Variants in CNTNAP2 observed in about 807,000 individuals in gnomAD.
The protein encoded by CNTNAP2 is contactin associated protein 2.
A neutral mutation model predicts 155.2 loss-of-function variants in CNTNAP2; 98 were observed. The ratio of observed to expected loss-of-function variants is 0.63; its 90% CI spans 0.54 to 0.75. The LOEUF is 0.75. Ranked by LOEUF, CNTNAP2 falls within the 30% of genes least tolerant of loss-of-function variation. The probability of loss-of-function intolerance (pLI) is 0.00; values close to 1 mark genes in which losing one functional copy is unlikely to be tolerated. For synonymous variants in CNTNAP2, 651 were observed against 631.2 expected (o/e 1.03, Z -0.47); for missense variants, 1,727 against 1,688.1 (o/e 1.02, Z -0.40).
chr7:146,515,911 A>G (rs546857402), intron 1 of CNTNAP2, among the ~76,000 whole-genome samples: 44 of 152,184 alleles, frequency 2.9e-4, no homozygotes, highest in African/African-American at 1.0e-3. Flanking sequence ...ATAGATTCCT[A>G]TCTCAATATG....
At chr7:147,420,781 T>C (rs1415955011) in intron 10 of CNTNAP2, among the ~76,000 whole-genome samples, 1 of 152,220 alleles carries the variant, frequency 6.6e-6, no homozygotes, top group Non-Finnish European at 1.5e-5. Flanking sequence ...ATTAATGTTA[T>C]ATTAATAATT....
intron 1 of CNTNAP2, chr7:146,117,404 G>A (rs148679518): frequency 6.2e-6 from 1 of 160,176 alleles, no homozygotes; most frequent in Non-Finnish European, 1.4e-5. Flanking sequence ...GTTAACAAGA[G>A]GAGCATGTTT....
intron 12 of CNTNAP2, among the ~76,000 whole-genome samples, chr7:147,576,141 A>G (rs1400642331): frequency 3.9e-5 from 6 of 151,956 alleles, no homozygotes; most frequent in African/African-American, 1.4e-4. Flanking sequence ...TTTCTGGTTA[A>G]CTGGATTCTA....
At chr7:146,294,569 A>C (rs1244408239) in intron 1 of CNTNAP2, among the ~76,000 whole-genome samples, 2 of 152,220 alleles carry the variant, frequency 1.3e-5, no homozygotes, top group African/African-American at 4.8e-5. Context: ...TTTTCTCACA[A>C]AACATTTCTT....
At position 148,408,220 on chromosome 7, in the gene CNTNAP2, G is replaced by T. The variant is rs558066158; in HGVS notation, c.3716-1171G>T. Reference sequence around the variant, plus strand: ...AGATCACACCACTGCACTCACTCCAGCCTGGACAACAGAGTGAGACCCTTT... The same window carrying T: ...AGATCACACCACTGCACTCACTCCATCCTGGACAACAGAGTGAGACCCTTT... On this transcript the variant is annotated intron_variant, in intron 22 of 23. Coordinates refer to ENST00000361727, the MANE Select transcript of CNTNAP2 (RefSeq NM_014141.6). Among the ~76,000 whole-genome samples the T allele has an allele frequency of 1.1e-4, 16 of 152,284 alleles. No individual in the cohort carries two copies. The South Asian group carries it at 3.3e-3, about 32-fold the overall frequency.
intron 14 of CNTNAP2, among the ~76,000 whole-genome samples, chr7:147,949,640 G>A (rs1800890714): frequency 6.6e-6 from 1 of 152,072 alleles, no homozygotes; most frequent in Non-Finnish European, 1.5e-5. Context: ...GCAAGAAATA[G>A]ACTCAGTGAC....
At chr7:146,168,186 G>A (rs547545720) in intron 1 of CNTNAP2, among the ~76,000 whole-genome samples, 1 of 152,102 alleles carries the variant, frequency 6.6e-6, no homozygotes, top group Non-Finnish European at 1.5e-5. Context: ...ATCTCCTTTG[G>A]CAACAGACAC....
At chr7:146,910,556 A>T (rs1027346045) in intron 3 of CNTNAP2, among the ~76,000 whole-genome samples, 1 of 151,530 alleles carries the variant, frequency 6.6e-6, no homozygotes, top group East Asian at 1.9e-4. Context: ...CATTGGGGAA[A>T]GGATTCCCTA....
At chr7:147,487,225 G>C (rs767804883) in intron 11 of CNTNAP2, among the ~76,000 whole-genome samples, 8 of 151,938 alleles carry the variant, frequency 5.3e-5, no homozygotes, top group Non-Finnish European at 8.8e-5. Context: ...AAAAACAAGA[G>C]GCAAAGGAAA....
chr7:148,062,939 T>C (rs1803184566), intron 15 of CNTNAP2, among the ~76,000 whole-genome samples: 1 of 151,956 alleles, frequency 6.6e-6, no homozygotes, highest in South Asian at 2.1e-4. Flanking sequence ...AAATAATCAA[T>C]ACAAGAAATG....
chr7:146,350,530 C>G (rs555431037), intron 1 of CNTNAP2, among the ~76,000 whole-genome samples: 55 of 151,862 alleles, frequency 3.6e-4, no homozygotes, highest in African/African-American at 1.3e-3. Context: ...CAGGAAACAA[C>G]AGGTGCTGGA....
At chr7:147,227,069 A>C (rs1327262743) in intron 8 of CNTNAP2, among the ~76,000 whole-genome samples, 1 of 151,400 alleles carries the variant, frequency 6.6e-6, no homozygotes, top group African/African-American at 2.5e-5. Flanking sequence ...ACTGGGAAGT[A>C]GAGTTTCAAT....
chr7:146,522,965 ATTATT>A (rs1369736806), intron 1 of CNTNAP2, among the ~76,000 whole-genome samples: 3 of 151,750 alleles, frequency 2.0e-5, no homozygotes, highest in African/African-American at 7.3e-5. Context: ...AATGATATCT[ATTATT>A]TTATTTTGTA....
chr7:147,299,337 T>C (rs570910729), intron 8 of CNTNAP2, among the ~76,000 whole-genome samples: 1 of 152,094 alleles, frequency 6.6e-6, no homozygotes, highest in African/African-American at 2.4e-5. Context: ...GTCCAGCTAA[T>C]GGACAATTCA....
chr7:146,777,245 G>A (rs1163070110), intron 2 of CNTNAP2, among the ~76,000 whole-genome samples: 1 of 152,130 alleles, frequency 6.6e-6, no homozygotes, highest in Non-Finnish European at 1.5e-5. Context: ...TTGTTATGTG[G>A]GGATGTGCAG....
At chr7:146,422,203 A>G (rs1241187301) in intron 1 of CNTNAP2, among the ~76,000 whole-genome samples, 3 of 151,476 alleles carry the variant, frequency 2.0e-5, no homozygotes. Flanking sequence ...TGAGTAGTGT[A>G]CATTGTACCT....
intron 1 of CNTNAP2, among the ~76,000 whole-genome samples, chr7:146,230,247 T>C (rs1799361870): frequency 6.6e-6 from 1 of 152,140 alleles, no homozygotes; most frequent in Non-Finnish European, 1.5e-5. Context: ...GCACCAGAGA[T>C]TTTTTTCTAA....
At chr7:147,823,996 A>G (rs773892327) in intron 13 of CNTNAP2, among the ~76,000 whole-genome samples, 2 of 152,178 alleles carry the variant, frequency 1.3e-5, no homozygotes, top group African/African-American at 2.4e-5. Context: ...TCTAGCAGAC[A>G]TCAAGGCATT....
intron 22 of CNTNAP2, among the ~76,000 whole-genome samples, chr7:148,404,427 G>T (rs1335825916): frequency 6.6e-6 from 1 of 152,222 alleles, no homozygotes; most frequent in Non-Finnish European, 1.5e-5. Flanking sequence ...CAGAGAAAAG[G>T]TGTGTCAACT....
Sources: gnomAD v4.1 joint callset for allele counts (sites outside exome capture counted in the v4.1 genomes callset) on GRCh38, gnomAD v4.1.1 for gene constraint, MANE v1.5 for transcripts, NCBI Gene and HGNC (gene_info 2026-07-23, HGNC 2026-07-21) for gene names.